Variants in SATL1 observed in about 807,000 individuals in gnomAD.
SATL1 encodes spermidine/spermine N1-acetyl transferase like 1.
Under a neutral mutation model 51.8 loss-of-function variants are expected in SATL1, and 47 were observed. The observed-to-expected ratio is 0.91, with a 90% CI of 0.72 to 1.16. The LOEUF (loss-of-function observed/expected upper bound fraction) is 1.16. Ranked by LOEUF, SATL1 falls within the 50% of genes most tolerant of loss-of-function variation. The pLI is 0.00. For missense variants in SATL1, 520 were observed against 526.4 expected, an observed-to-expected ratio of 0.99 and a Z score of 0.12; for synonymous variants, 176 against 182.4, an observed-to-expected ratio of 0.97 and a Z score of 0.28.
intron 1 of SATL1, among the ~76,000 whole-genome samples, chrX:85,227,772 T>C (rs1470447613): frequency 9.0e-6 from 1 of 111,661 alleles, no homozygotes; most frequent in African/African-American, 3.2e-5. Context: ...CAATACATGG[T>C]CTTTATGTGG....
At chrX:85,191,099 C>T (rs1927427493) in intron 2 of SATL1, among the ~76,000 whole-genome samples, 1 of 106,292 alleles carries the variant, frequency 9.4e-6, no homozygotes, top group African/African-American at 3.4e-5. Context: ...GCACAAGTAC[C>T]CTAGAACTTA....
Position 85,107,609 on chromosome X carries a change from G to T in SATL1, c.1360C>A (p.Leu454Ile). Residue 454 changes from leucine to isoleucine, a missense_variant, in exon 3 of 8, where the codon CTA becomes ATA. Leu to Ile is a conservative substitution (Grantham distance 5). Coordinates refer to ENST00000644105, the MANE Select transcript of SATL1 (RefSeq NM_001367857.2). ...CTAGTGCCTGGTTGTCTCATGCCTA[G>T]TTGGCTGGGGACTTGCTGGCTCATG... ...PGMSQQVPSQ[L>I]GMRQPGTSQS... 8.2e-7 allele frequency: 1 copy of T among 1,212,197 alleles called. No individual in the cohort carries two copies. The highest frequency in any genetic ancestry group is 1.1e-6 in the Non-Finnish European group (1 of 895,637).
intron 2 of SATL1, among the ~76,000 whole-genome samples, chrX:85,125,524 G>GTA (rs1324792389): frequency 9.8e-6 from 1 of 102,372 alleles, no homozygotes; most frequent in Admixed American, 1.0e-4. Context: ...AGGAAAGTGT[G>GTA]TGTGTGTGTG....
rs1928230405 is a variant in SATL1, at chrX:85,224,240, C to T, written c.-348G>A. 1 of 111,730 alleles carries T rather than the reference C, an allele frequency of 9.0e-6. No individual in the cohort carries two copies. Among genetic ancestry groups the T allele is most frequent in the Admixed American group, 9.5e-5 (1 of 10,536 alleles). 9.2% of individuals were successfully genotyped at this position (111,730 alleles called of 1,213,427 possible). Reference sequence around the variant, plus strand: ...TTCTGATGGCTTCGGTATTTCTTGGCTTGTAGCCACACCACTGTGATCTCT... The same window carrying T: ...TTCTGATGGCTTCGGTATTTCTTGGTTTGTAGCCACACCACTGTGATCTCT... On this transcript the variant is annotated 5_prime_UTR_variant, in exon 2 of 8. Coordinates refer to ENST00000644105, the MANE Select transcript of SATL1 (RefSeq NM_001367857.2).
At chrX:85,167,594 T>C (rs1052603472) in intron 2 of SATL1, among the ~76,000 whole-genome samples, 26 of 110,180 alleles carry the variant, frequency 2.4e-4, no homozygotes, top group Non-Finnish European at 4.2e-4. Context: ...CAGGAAGAAA[T>C]TGAATCCCCA....
intron 2 of SATL1, among the ~76,000 whole-genome samples, chrX:85,129,780 C>T (rs1432177806): frequency 9.0e-6 from 1 of 111,172 alleles, no homozygotes; most frequent in Non-Finnish European, 1.9e-5. Flanking sequence ...ATTAGCTGTG[C>T]GTTTGGCATA....
intron 2 of SATL1, among the ~76,000 whole-genome samples, chrX:85,125,500 A>C: frequency 1.1e-5 from 1 of 93,842 alleles, no homozygotes; most frequent in East Asian, 3.3e-4. Context: ...TTCCACTTGA[A>C]GGTAAAAACA....
chrX:85,148,679 G>T (rs1333760588), intron 2 of SATL1, among the ~76,000 whole-genome samples: 4 of 111,643 alleles, frequency 3.6e-5, no homozygotes, highest in Admixed American at 9.5e-5. Flanking sequence ...TTAAAGAAAA[G>T]AATTTTCAAC....
chrX:85,099,339 T>G (rs978402183), intron 4 of SATL1, among the ~76,000 whole-genome samples: 4 of 111,639 alleles, frequency 3.6e-5, no homozygotes, highest in Non-Finnish European at 5.6e-5. Context: ...ACAGAAGAAT[T>G]AATACCAGTC....
intron 2 of SATL1, among the ~76,000 whole-genome samples, chrX:85,128,933 G>A (rs758898697): frequency 8.9e-6 from 1 of 111,743 alleles, no homozygotes; most frequent in South Asian, 3.7e-4. Context: ...TTTTTGTCAG[G>A]TTGGTCAAAG....
chrX:85,104,654 C>A (rs182799632), intron 3 of SATL1, among the ~76,000 whole-genome samples: 105 of 110,745 alleles, frequency 9.5e-4, no homozygotes, highest in African/African-American at 3.3e-3. Context: ...TCAGGACCTG[C>A]TCCCTCAGCC....
At chrX:85,103,975 T>C (rs1924966126) in intron 3 of SATL1, 60 bp from the exon 4 acceptor site, 2 of 877,707 alleles carry the variant, frequency 2.3e-6, no homozygotes, top group South Asian at 2.1e-5. Flanking sequence ...AAGATGATAA[T>C]CATCATAAAA....
At chrX:85,185,216 G>A (rs1176533192) in intron 2 of SATL1, among the ~76,000 whole-genome samples, 1 of 112,613 alleles carries the variant, frequency 8.9e-6, no homozygotes, top group Non-Finnish European at 1.9e-5. Context: ...ACTGCCTGGA[G>A]CTAGGGGACG....
intron 2 of SATL1, among the ~76,000 whole-genome samples, chrX:85,178,121 T>C (rs1470571365): frequency 8.9e-6 from 1 of 111,748 alleles, no homozygotes; most frequent in Non-Finnish European, 1.9e-5. Context: ...TTTAACTCTG[T>C]GATCTCAGTA....
At chrX:85,200,130 G>T (rs1442783298) in intron 2 of SATL1, among the ~76,000 whole-genome samples, 1 of 110,852 alleles carries the variant, frequency 9.0e-6, no homozygotes, top group Non-Finnish European at 1.9e-5. Context: ...AAGTATAAAT[G>T]ACCAGAAATC....
intron 1 of SATL1, among the ~76,000 whole-genome samples, chrX:85,231,962 G>A (rs1360032710): frequency 1.8e-5 from 2 of 109,143 alleles, no homozygotes; most frequent in African/African-American, 6.7e-5. Context: ...GGGCAGCCAA[G>A]GGAGTGCTTG....
chrX:85,171,925 C>T (rs1443624705), intron 2 of SATL1, among the ~76,000 whole-genome samples: 2 of 111,414 alleles, frequency 1.8e-5, no homozygotes, highest in African/African-American at 3.2e-5. Flanking sequence ...CTAATGACAA[C>T]GTCTAGTAGT....
chrX:85,142,115 G>A (rs777358236), intron 2 of SATL1, among the ~76,000 whole-genome samples: 2 of 107,412 alleles, frequency 1.9e-5, no homozygotes, highest in East Asian at 6.0e-4. Context: ...TTGAAGTAGA[G>A]GCCGGTCACG....
intron 2 of SATL1, among the ~76,000 whole-genome samples, chrX:85,223,608 A>G (rs1482462821): frequency 9.0e-6 from 1 of 111,031 alleles, no homozygotes; most frequent in Non-Finnish European, 1.9e-5. Context: ...ATCTAGGAGG[A>G]CAATTAGCAG....
Sources: allele counts gnomAD v4.1 joint callset (sites outside exome capture counted in the v4.1 genomes callset), GRCh38; gene constraint gnomAD v4.1.1; transcripts MANE v1.5; gene names NCBI Gene and HGNC (gene_info 2026-07-23, HGNC 2026-07-21).